Variants in ERP44 observed in about 807,000 individuals in gnomAD.
ERP44 encodes endoplasmic reticulum resident protein 44.
Under a neutral mutation model 53.4 loss-of-function variants are expected in ERP44, and 25 were observed. That is an observed-to-expected ratio of 0.47 (90% CI 0.34 to 0.65). ERP44 has a LOEUF of 0.65. Among genes scored for constraint, ERP44 ranks in the 30% least tolerant of loss-of-function variants. ERP44 has a pLI of 0.01. For missense variants in ERP44, 338 were observed against 493.2 expected (o/e 0.69, Z 2.98); for synonymous variants, 145 against 161.2 (o/e 0.90, Z 0.76).
intron 10 of ERP44, among the ~76,000 whole-genome samples, chr9:99,995,839 T>A (rs141002947): frequency 3.9e-4 from 60 of 152,032 alleles, no homozygotes; most frequent in African/African-American, 1.3e-3. Context: ...AACATAGGAG[T>A]GCAGATATTT....
intron 4 of ERP44, among the ~76,000 whole-genome samples, chr9:100,030,665 G>A (rs1197826394): frequency 6.6e-6 from 1 of 152,142 alleles, no homozygotes; most frequent in Admixed American, 6.6e-5. Context: ...TGTACTCTTC[G>A]CTGACAGCTG....
intron 1 of ERP44, among the ~76,000 whole-genome samples, chr9:100,082,129 C>T (rs1272005032): frequency 1.3e-5 from 2 of 151,686 alleles, no homozygotes; most frequent in African/African-American, 2.4e-5. Context: ...TTAAATTATC[C>T]CAAAGGACAT....
At chr9:100,085,102 G>C (rs1342741245) in intron 1 of ERP44, among the ~76,000 whole-genome samples, 2 of 152,226 alleles carry the variant, frequency 1.3e-5, no homozygotes, top group Non-Finnish European at 2.9e-5. Flanking sequence ...TGAGGGCTCG[G>C]TTATTATATA....
At chr9:99,994,517 G>A (rs755387744) in intron 10 of ERP44, among the ~76,000 whole-genome samples, 6 of 152,076 alleles carry the variant, frequency 3.9e-5, no homozygotes, top group African/African-American at 4.8e-5. Context: ...TGAGGGGAGC[G>A]GGGAGGGATA....
intron 4 of ERP44, among the ~76,000 whole-genome samples, chr9:100,034,177 G>C (rs1490070827): frequency 1.3e-5 from 2 of 152,186 alleles, no homozygotes; most frequent in African/African-American, 2.4e-5. Flanking sequence ...CAAAAACCTT[G>C]CAGGTTGCAG....
intron 1 of ERP44, among the ~76,000 whole-genome samples, chr9:100,097,377 T>A (rs1178080651): frequency 6.6e-6 from 1 of 152,102 alleles, no homozygotes; most frequent in Non-Finnish European, 1.5e-5. Context: ...TTCCTAAAAG[T>A]GCACACAATT....
At chr9:100,027,641 A>G (rs1380443217) in intron 4 of ERP44, among the ~76,000 whole-genome samples, 1 of 152,176 alleles carries the variant, frequency 6.6e-6, no homozygotes, top group African/African-American at 2.4e-5. Flanking sequence ...GAAAATTAGC[A>G]TATATTTTTG....
intron 1 of ERP44, among the ~76,000 whole-genome samples, chr9:100,075,124 A>G (rs540571802): frequency 4.3e-4 from 65 of 152,332 alleles, no homozygotes; most frequent in African/African-American, 1.4e-3. Context: ...GAAAGACGCA[A>G]GGGTGGTGAT....
intron 10 of ERP44, among the ~76,000 whole-genome samples, chr9:99,988,617 G>A (rs1369769359): frequency 2.6e-5 from 4 of 152,140 alleles, no homozygotes; most frequent in African/African-American, 4.8e-5. Context: ...TGTGATCAAC[G>A]CAGAAGACGG....
intron 4 of ERP44, among the ~76,000 whole-genome samples, chr9:100,043,507 A>T (rs1825936422): frequency 6.6e-6 from 1 of 151,762 alleles, no homozygotes; most frequent in African/African-American, 2.4e-5. Context: ...GTAGTCCCAG[A>T]ACTTTGGGAG....
chr9:100,070,016 T>C (rs925159582), intron 1 of ERP44, among the ~76,000 whole-genome samples: 4 of 152,202 alleles, frequency 2.6e-5, no homozygotes, highest in African/African-American at 9.6e-5. Flanking sequence ...GGGGTGAACT[T>C]CTCAATGTGC....
intron 1 of ERP44, among the ~76,000 whole-genome samples, chr9:100,062,557 T>C (rs1826163164): frequency 6.6e-6 from 1 of 152,174 alleles, no homozygotes; most frequent in Admixed American, 6.5e-5. Context: ...TTCAATAATA[T>C]TTACAGTGTC....
chr9:100,029,959 G>A (rs762395807), intron 4 of ERP44, among the ~76,000 whole-genome samples: 5 of 152,046 alleles, frequency 3.3e-5, no homozygotes, highest in African/African-American at 7.2e-5. Context: ...GTGGTGGTGC[G>A]CACCTGTAGT....
intron 10 of ERP44, among the ~76,000 whole-genome samples, chr9:100,002,018 C>T (rs903034928): frequency 1.6e-4 from 24 of 151,406 alleles, no homozygotes; most frequent in Non-Finnish European, 1.9e-4. Context: ...ATGAGATTTA[C>T]GTAAAATATA....
intron 10 of ERP44, among the ~76,000 whole-genome samples, chr9:100,005,703 A>C (rs1259865563): frequency 6.6e-6 from 1 of 152,214 alleles, no homozygotes; most frequent in Non-Finnish European, 1.5e-5. Context: ...TCTACCAAAC[A>C]ACCACATCTC....
chr9:100,072,359 G>T (rs1180396279), intron 1 of ERP44, among the ~76,000 whole-genome samples: 1 of 152,034 alleles, frequency 6.6e-6, no homozygotes, highest in Admixed American at 6.6e-5. Context: ...TGAGATGGAG[G>T]TACAGAAAGA....
rs115022771 is a variant in ERP44, at chr9:100,075,634, C to T, written c.58-15462G>A. Reference sequence around the variant, plus strand: ...AATAAATCTGACTTAAATTTAGGGACGTTCTAACTCAGTAAAATTTCTAGG... The same window carrying T: ...AATAAATCTGACTTAAATTTAGGGATGTTCTAACTCAGTAAAATTTCTAGG... On this transcript the variant is annotated intron_variant, in intron 1 of 11. Transcript: ENST00000262455. 3.5e-3 allele frequency among the ~76,000 whole-genome samples: 529 copies of T among 152,278 alleles called. 2 individuals are homozygous for T. Among genetic ancestry groups the T allele is most frequent in the African/African-American group, 0.011 (473 of 41,552 alleles).
At position 100,098,888 on chromosome 9, in the gene ERP44, G is replaced by T; in HGVS notation, c.-48C>A. On this transcript the variant is annotated 5_prime_UTR_variant, in exon 1 of 12. Coordinates refer to ENST00000262455, the MANE Select transcript of ERP44 (RefSeq NM_015051.3). ...GGGACAGGCGCTGGCGGCTGGGACT[G>T]GGCTAGGTTGGGTTGGGTTAGGAAA... 1.3e-6 allele frequency: 2 copies of T among 1,541,736 alleles called. No homozygotes were observed. The highest frequency in any genetic ancestry group is 1.8e-6 in the Non-Finnish European group (2 of 1,115,818).
intron 1 of ERP44, among the ~76,000 whole-genome samples, chr9:100,067,473 G>A (rs1373854209): frequency 2.0e-5 from 3 of 152,206 alleles, no homozygotes; most frequent in Admixed American, 1.3e-4. Context: ...GATTGCAGAC[G>A]GAGTCTGGTT....
Sources: gnomAD v4.1 joint callset for allele counts (sites outside exome capture counted in the v4.1 genomes callset) on GRCh38, gnomAD v4.1.1 for gene constraint, MANE v1.5 for transcripts, NCBI Gene and HGNC (gene_info 2026-07-23, HGNC 2026-07-21) for gene names.